The following NRG3 variants were observed in gnomAD, a reference collection of about 807,000 sequenced individuals.
NRG3 encodes neuregulin 3.
A neutral mutation model predicts 66.9 loss-of-function variants in NRG3; 31 were observed. That is an observed-to-expected ratio of 0.46 (90% CI 0.35 to 0.63). NRG3 has a LOEUF of 0.63. NRG3 is among the 20% of genes least tolerant of loss of function. The pLI is 0.00. For missense variants in NRG3, 910 were observed against 878.9 expected (o/e 1.04, Z -0.45); for synonymous variants, 393 against 359.4 (o/e 1.09, Z -1.06).
intron 1 of NRG3, among the ~76,000 whole-genome samples, chr10:81,911,746 C>CA (rs373902505): frequency 6.6e-6 from 1 of 150,382 alleles, no homozygotes; most frequent in African/African-American, 2.5e-5. Context: ...CACACACACA[C>CA]CCCAAACCCG....
intron 1 of NRG3, among the ~76,000 whole-genome samples, chr10:82,002,391 A>G (rs1289257128): frequency 6.6e-6 from 1 of 152,280 alleles, no homozygotes; most frequent in South Asian, 2.1e-4. Flanking sequence ...CTGTCTCTTC[A>G]TGGACCCACT....
At chr10:82,314,078 A>G (rs767927998) in intron 1 of NRG3, among the ~76,000 whole-genome samples, 2 of 152,246 alleles carry the variant, frequency 1.3e-5, no homozygotes, top group Non-Finnish European at 2.9e-5. Context: ...GAGGAGGATC[A>G]TAATAGAACC....
chr10:82,310,218 G>C (rs929644920), intron 1 of NRG3, among the ~76,000 whole-genome samples: 8 of 152,142 alleles, frequency 5.3e-5, no homozygotes, highest in Non-Finnish European at 2.9e-5. Context: ...ATTGCAGTTT[G>C]TATTTTGCGA....
intron 1 of NRG3, among the ~76,000 whole-genome samples, chr10:82,128,685 G>A (rs549626514): frequency 5.3e-5 from 8 of 151,966 alleles, no homozygotes; most frequent in Admixed American, 2.6e-4. Flanking sequence ...CCTTATATGC[G>A]TCTGACTCAA....
chr10:82,984,050 A>C (rs532891035), intron 8 of NRG3, among the ~76,000 whole-genome samples: 1 of 152,380 alleles, frequency 6.6e-6, no homozygotes, highest in East Asian at 1.9e-4. Context: ...ATGGCAGTCG[A>C]GGAAAGGAGA....
intron 2 of NRG3, among the ~76,000 whole-genome samples, chr10:82,507,342 G>A (rs1319781912): frequency 1.3e-5 from 2 of 152,098 alleles, no homozygotes; most frequent in African/African-American, 4.8e-5. Flanking sequence ...GAGAAGTGAG[G>A]TGAGAAGAGG....
At chr10:82,237,088 G>A (rs2076791418) in intron 1 of NRG3, among the ~76,000 whole-genome samples, 1 of 152,132 alleles carries the variant, frequency 6.6e-6, no homozygotes, top group Non-Finnish European at 1.5e-5. Context: ...TTCTAATGAA[G>A]ATTAACATAA....
At chr10:82,358,709 C>T (rs756867808) in intron 1 of NRG3, 30 bp from the exon 2 acceptor site, 1 of 1,613,658 alleles carries the variant, frequency 6.2e-7, no homozygotes, top group Middle Eastern at 1.7e-4. Flanking sequence ...GTACTGCTGA[C>T]AGCGTTTCCC....
Position 82,040,931 on chromosome 10 carries a change from T to C in NRG3, c.823+164768T>C, listed in dbSNP as rs576780444. Among the ~76,000 whole-genome samples the C allele has an allele frequency of 1.6e-4, 24 of 152,204 alleles. No homozygotes were observed. In the South Asian group the frequency reaches 4.4e-3, roughly 28 times the overall value. ...CATAGGGAAACATGGCCTTTAGACA[T>C]GCCCAAAGTGAACACATTTGTTAGA... On this transcript the variant is annotated intron_variant, in intron 1 of 8. Transcript: ENST00000372141.
intron 3 of NRG3, among the ~76,000 whole-genome samples, chr10:82,747,734 A>G (rs1026349059): frequency 6.6e-6 from 1 of 151,930 alleles, no homozygotes; most frequent in Non-Finnish European, 1.5e-5. Context: ...ACTATTCACT[A>G]TCATATAATT....
chr10:82,850,525 C>CA (rs1451110855), intron 3 of NRG3, among the ~76,000 whole-genome samples: 1 of 152,094 alleles, frequency 6.6e-6, no homozygotes, highest in African/African-American at 2.4e-5. Flanking sequence ...TTACTTAAAA[C>CA]AAAAATTCAA....
chr10:81,975,521 G>A (rs1029134398), intron 1 of NRG3, among the ~76,000 whole-genome samples: 4 of 152,024 alleles, frequency 2.6e-5, no homozygotes, highest in Admixed American at 2.0e-4. Context: ...CACCAGCAAC[G>A]AGTGGGAAAG....
intron 1 of NRG3, among the ~76,000 whole-genome samples, chr10:82,168,980 T>G (rs1156385897): frequency 6.6e-6 from 1 of 152,134 alleles, no homozygotes; most frequent in Admixed American, 6.6e-5. Context: ...CTTATACCCT[T>G]TGTTCTTTTT....
At chr10:81,979,510 CCTAGTTTT>C (rs1298914579) in intron 1 of NRG3, among the ~76,000 whole-genome samples, 1 of 152,152 alleles carries the variant, frequency 6.6e-6, no homozygotes, top group Non-Finnish European at 1.5e-5. Context: ...ATTTATCCCA[CCTAGTTTT>C]CTTTTTGTTT....
At chr10:82,791,461 T>C (rs553175738) in intron 3 of NRG3, among the ~76,000 whole-genome samples, 1 of 152,084 alleles carries the variant, frequency 6.6e-6, no homozygotes, top group African/African-American at 2.4e-5. Flanking sequence ...CAAGTAGAAC[T>C]CTCTTCCTTT....
intron 8 of NRG3, among the ~76,000 whole-genome samples, chr10:82,981,118 G>A (rs1465953926): frequency 6.6e-6 from 1 of 152,102 alleles, no homozygotes; most frequent in Non-Finnish European, 1.5e-5. Context: ...AGGGTGCTTG[G>A]AGCCTGTGCC....
At chr10:82,905,109 G>T (rs1221925630) in intron 4 of NRG3, among the ~76,000 whole-genome samples, 1 of 152,114 alleles carries the variant, frequency 6.6e-6, no homozygotes, top group East Asian at 1.9e-4. Context: ...AGGAAGTTTG[G>T]TTGTGGGTGT....
At chr10:82,718,674 G>C (rs771326781) in intron 2 of NRG3, among the ~76,000 whole-genome samples, 1 of 152,180 alleles carries the variant, frequency 6.6e-6, no homozygotes, top group Non-Finnish European at 1.5e-5. Flanking sequence ...AGGTAATTAT[G>C]TCAAGTGTCT....
At chr10:81,965,243 T>G (rs979255966) in intron 1 of NRG3, among the ~76,000 whole-genome samples, 1 of 152,202 alleles carries the variant, frequency 6.6e-6, no homozygotes, top group Non-Finnish European at 1.5e-5. Flanking sequence ...GTAAGATATC[T>G]GAGAAAAATT....
Sources: gnomAD v4.1 joint callset for allele counts (sites outside exome capture counted in the v4.1 genomes callset) on GRCh38, gnomAD v4.1.1 for gene constraint, MANE v1.5 for transcripts, NCBI Gene and HGNC (gene_info 2026-07-23, HGNC 2026-07-21) for gene names.